The following PUDP variants were observed in gnomAD, a reference collection of about 807,000 sequenced individuals.
The protein encoded by PUDP is pseudouridine-5'-phosphatase.
A neutral mutation model predicts 9.4 loss-of-function variants in PUDP; 8 were observed. The ratio of observed to expected loss-of-function variants is 0.85; its 90% CI spans 0.50 to 1.53. The LOEUF is 1.53. PUDP is among the 40% of genes most tolerant of loss of function. The pLI is 0.00. For missense variants in PUDP, 188 were observed against 189.7 expected (o/e 0.99, Z 0.05); for synonymous variants, 99 against 80.7 (o/e 1.23, Z -1.22).
intron 1 of PUDP, among the ~76,000 whole-genome samples, chrX:7,024,428 A>G (rs1482208384): frequency 1.8e-5 from 2 of 111,411 alleles, no homozygotes; most frequent in East Asian, 2.8e-4. Flanking sequence ...CTTTTTCTAC[A>G]TCTACTAAGA....
intron 1 of PUDP, among the ~76,000 whole-genome samples, chrX:7,122,424 T>G (rs1171740392): frequency 1.8e-5 from 2 of 111,764 alleles, no homozygotes; most frequent in East Asian, 5.6e-4. Context: ...ATGAATTGGC[T>G]CTCCCTTCCT....
At chrX:7,117,850 G>A (rs1238665322) in intron 1 of PUDP, among the ~76,000 whole-genome samples, 4 of 113,005 alleles carry the variant, frequency 3.5e-5, no homozygotes, top group African/African-American at 9.6e-5. Flanking sequence ...CCTGAGCCAC[G>A]CCCAGGGCCC....
At chrX:7,009,946 G>A (rs1929454421) in intron 1 of PUDP, among the ~76,000 whole-genome samples, 1 of 111,716 alleles carries the variant, frequency 9.0e-6, no homozygotes, top group African/African-American at 3.3e-5. Flanking sequence ...ATTTTAATAT[G>A]TCATTGAATG....
intron 1 of PUDP, among the ~76,000 whole-genome samples, chrX:6,988,505 C>T (rs1221047329): frequency 1.8e-5 from 2 of 112,222 alleles, no homozygotes; most frequent in Admixed American, 9.4e-5. Context: ...TATATGTCTA[C>T]GCATAAGTGT....
At chrX:6,914,946 T>C (rs1927907523) in intron 3 of PUDP, among the ~76,000 whole-genome samples, 1 of 112,512 alleles carries the variant, frequency 8.9e-6, no homozygotes, top group South Asian at 3.7e-4. Context: ...ATTGTTAACA[T>C]ACTACTAAGC....
intron 3 of PUDP, among the ~76,000 whole-genome samples, chrX:6,956,518 C>G (rs1256729631): frequency 9.0e-6 from 1 of 110,932 alleles, no homozygotes; most frequent in Non-Finnish European, 1.9e-5. Flanking sequence ...ATGCCCAAAA[C>G]ACAGGAAAGA....
intron 1 of PUDP, among the ~76,000 whole-genome samples, chrX:6,710,365 T>C (rs1924517903): frequency 9.0e-6 from 1 of 111,624 alleles, no homozygotes; most frequent in Non-Finnish European, 1.9e-5. Context: ...GGCAATGCAG[T>C]GTAAACTATA....
At chrX:7,031,679 C>A (rs1929794883) in intron 1 of PUDP, among the ~76,000 whole-genome samples, 1 of 112,394 alleles carries the variant, frequency 8.9e-6, no homozygotes, top group South Asian at 3.6e-4. Flanking sequence ...GCTGGCAATG[C>A]AAGTCAATGG....
chrX:7,123,125 T>C (rs1359081848), intron 1 of PUDP, among the ~76,000 whole-genome samples: 1 of 112,501 alleles, frequency 8.9e-6, no homozygotes, highest in African/African-American at 3.2e-5. Context: ...TTTTATACTT[T>C]AAGGCAATGG....
rs374297710 is a variant in PUDP at position 6,747,407 on chromosome X, C to A, written c.*248-40941G>T. Among the ~76,000 whole-genome samples, 4 of 112,067 alleles carry A rather than the reference C, an allele frequency of 3.6e-5. No individual in the cohort carries two copies. The South Asian group carries it at 1.1e-3, about 31-fold the overall frequency. On this transcript the variant is annotated intron_variant and NMD_transcript_variant, in intron 3 of 3. Transcript: ENST00000655425. ...GAGACCCTTGTCAATATTAAAAATT[C>A]TTTCAATTTGGATAGACATTCCTCT...
intron 3 of PUDP, among the ~76,000 whole-genome samples, chrX:6,745,451 T>C (rs1473563192): frequency 8.9e-6 from 1 of 111,973 alleles, no homozygotes; most frequent in African/African-American, 3.2e-5. Context: ...TGAATCAAGG[T>C]GTCAAGAGAA....
At chrX:6,841,577 G>C (rs376516810) in intron 3 of PUDP, among the ~76,000 whole-genome samples, 1 of 110,667 alleles carries the variant, frequency 9.0e-6, no homozygotes, top group Non-Finnish European at 1.9e-5. Context: ...CTCCAGCTTG[G>C]GTGAGAGTGA....
chrX:6,839,825 C>A (rs1048135014), intron 3 of PUDP, among the ~76,000 whole-genome samples: 3 of 110,889 alleles, frequency 2.7e-5, no homozygotes, highest in African/African-American at 9.8e-5. Flanking sequence ...ACAAAACTAT[C>A]CATACTCTTA....
intron 3 of PUDP, among the ~76,000 whole-genome samples, chrX:6,855,650 T>C (rs1926894446): frequency 8.9e-6 from 1 of 111,977 alleles, no homozygotes; most frequent in African/African-American, 3.2e-5. Flanking sequence ...GGGGGAACAA[T>C]TGTTTTGAAA....
intron 3 of PUDP, among the ~76,000 whole-genome samples, chrX:6,928,740 CA>C (rs1239528440): frequency 1.8e-5 from 2 of 110,143 alleles, no homozygotes; most frequent in East Asian, 2.9e-4. Flanking sequence ...ACCAATAAAA[CA>C]AAAAAAATTA....
intron 3 of PUDP, among the ~76,000 whole-genome samples, chrX:6,890,947 A>G (rs1257613353): frequency 1.4e-5 from 1 of 71,758 alleles, no homozygotes; most frequent in African/African-American, 4.3e-5. Flanking sequence ...AAAAAAAAAA[A>G]AAAAAAAAAA....
intron 3 of PUDP, among the ~76,000 whole-genome samples, chrX:6,735,917 T>C (rs1158631995): frequency 9.1e-6 from 1 of 109,388 alleles, no homozygotes; most frequent in East Asian, 2.8e-4. Flanking sequence ...CATGCACCTG[T>C]TTTCCCAGAT....
intron 3 of PUDP, among the ~76,000 whole-genome samples, chrX:6,881,860 T>C (rs1191123496): frequency 9.0e-6 from 1 of 111,192 alleles, no homozygotes; most frequent in Non-Finnish European, 1.9e-5. Context: ...AACTCTCCAA[T>C]AAAATCTGAT....
At chrX:6,952,379 C>T (rs181612541) in intron 3 of PUDP, among the ~76,000 whole-genome samples, 156 of 112,108 alleles carry the variant, frequency 1.4e-3, no homozygotes, top group African/African-American at 4.7e-3. Context: ...AAAGCACATT[C>T]GTCAAAACTA....
Sources: gnomAD v4.1 joint callset for allele counts (sites outside exome capture counted in the v4.1 genomes callset) on GRCh38, gnomAD v4.1.1 for gene constraint, MANE v1.5 for transcripts, NCBI Gene and HGNC (gene_info 2026-07-23, HGNC 2026-07-21) for gene names.